Variants in ZNF462 observed in about 807,000 individuals in gnomAD.
ZNF462 encodes the protein zinc finger PBX1-interacting protein.
ZNF462 carries 10 observed loss-of-function variants against 201.9 expected under a neutral mutation model. The ratio of observed to expected loss-of-function variants is 0.05; its 90% confidence interval spans 0.03 to 0.08. The LOEUF (loss-of-function observed/expected upper bound fraction) is 0.08. Ranked by LOEUF, ZNF462 falls within the 10% of genes least tolerant of loss-of-function variation. The probability of loss-of-function intolerance (pLI) is 1.00; values close to 1 mark genes in which losing one functional copy is unlikely to be tolerated. For missense variants in ZNF462, 2,523 were observed against 3,168.3 expected (o/e 0.80, Z 4.89); for synonymous variants, 1,227 against 1,193.3 (o/e 1.03, Z -0.58).
rs1829694735 is a variant in ZNF462, at chr9:107,008,143, CATT to C, written c.7190-1399_7190-1397del. ...AGCAGAATCCTCCCCACCCCCCTCT[CATT>C]ATGCAGTTGGGGAGGAGTCAGGAAG... On this transcript the variant is annotated intron_variant, in intron 11 of 12. Transcript: ENST00000277225. This position sits in a 1 kb window ranked among gnomAD's most constrained non-coding sequence, Gnocchi z 4.8. 1.3e-5 allele frequency among the ~76,000 whole-genome samples: 2 copies of C among 152,106 alleles called. No individual in the cohort carries two copies. Among genetic ancestry groups the C allele is most frequent in the Non-Finnish European group, 2.9e-5 (2 of 68,018 alleles).
At position 106,935,713 on chromosome 9, in the gene ZNF462, A is replaced by G. The variant is rs192809006; in HGVS notation, c.6235+92A>G. 2 of 943,200 alleles carry G rather than the reference A, an allele frequency of 2.1e-6. No individual in the cohort carries two copies. Among genetic ancestry groups the G allele is most frequent in the Admixed American group, 2.0e-5 (1 of 49,586 alleles). The allele number at this position is 943,200 out of a possible 1,614,324, so 58.4% of individuals were successfully genotyped here. ...ATTGAGTGAAATACTGTCCTGCCTT[A>G]CACTTGAGAATGTTATTCTTGGGAT... On this transcript the variant is annotated intron_variant, in intron 6 of 12. Coordinates refer to ENST00000277225, the MANE Select transcript of ZNF462 (RefSeq NM_021224.6). The surrounding 1 kb of genome is among the most constrained non-coding windows in gnomAD (Gnocchi z 4.1).
chr9:106,908,682 CTT>C (rs1829375096), intron 1 of ZNF462, among the ~76,000 whole-genome samples: 1 of 151,238 alleles, frequency 6.6e-6, no homozygotes, highest in African/African-American at 2.4e-5. Context: ...TATGCATTCT[CTT>C]TTATATTTCT....
rs766252745 is a variant in ZNF462 at position 106,890,330 on chromosome 9, C to A, written c.-31+26975C>A. On this transcript the variant is annotated intron_variant, in intron 1 of 12. Transcript: ENST00000277225. This position sits in a 1 kb window ranked among gnomAD's most constrained non-coding sequence, Gnocchi z 4.2. Reference sequence around the variant, plus strand: ...GTCAACCCGGCAACACATGCAGTGCCCCTTCCGGGAACACTGGTGATCTTC... The same window carrying A: ...GTCAACCCGGCAACACATGCAGTGCACCTTCCGGGAACACTGGTGATCTTC... Among the ~76,000 whole-genome samples, 25 of 152,320 alleles carry A rather than the reference C, an allele frequency of 1.6e-4. No homozygotes were observed. Among genetic ancestry groups the A allele is most frequent in the South Asian group, 8.3e-4 (4 of 4,828 alleles).
rs1055081777 is a variant in ZNF462, at chr9:106,954,297, G to C, written c.6427+15190G>C. 6.6e-6 allele frequency among the ~76,000 whole-genome samples: 1 copy of C among 152,086 alleles called. No homozygotes were observed. Among genetic ancestry groups the C allele is most frequent in the Non-Finnish European group, 1.5e-5 (1 of 68,004 alleles). On this transcript the variant is annotated intron_variant, in intron 7 of 12. Transcript: ENST00000277225. The surrounding 1 kb of genome is among the most constrained non-coding windows in gnomAD (Gnocchi z 4.0). The stretch of plus-strand genomic sequence containing the variant: ...GCAAGGCACATCTTATATGGTGGCA[G>C]GAGAGAGAAAGAGAGTGAGGGGGGG...
In ZNF462 at chr9:106,923,747, T is replaced by A; in HGVS notation, c.220+144T>A. On this transcript the variant is annotated intron_variant, in intron 2 of 12. Transcript: ENST00000277225. The surrounding 1 kb of genome is among the most constrained non-coding windows in gnomAD (Gnocchi z 5.6). ...CCATTTTTGTGGTTTGGGCATCATG[T>A]ATCTCTCCTTGAGTACCTTAGGTTT... 1.3e-6 allele frequency: 1 copy of A among 757,968 alleles called. No homozygotes were observed. The highest frequency in any genetic ancestry group is 2.1e-6 in the Non-Finnish European group (1 of 472,074). The allele number at this position is 757,968 out of a possible 1,614,324, so 47.0% of individuals were successfully genotyped here.
In ZNF462 at chr9:106,963,510, G is replaced by C. The variant is rs1831932302; in HGVS notation, c.6428-8495G>C. On this transcript the variant is annotated intron_variant, in intron 7 of 12. Transcript: ENST00000277225. This position sits in a 1 kb window ranked among gnomAD's most constrained non-coding sequence, Gnocchi z 4.7. ...CATTACCTGCTTGGTTGTCATTTCA[G>C]ATTGACAGGAACAATGCCTTGTGTG... 6.6e-6 allele frequency among the ~76,000 whole-genome samples: 1 copy of C among 152,034 alleles called. No individual in the cohort carries two copies. Among genetic ancestry groups the C allele is most frequent in the African/African-American group, 2.4e-5 (1 of 41,414 alleles).
At chr9:106,991,956 A>G (rs746025269) in intron 10 of ZNF462, among the ~76,000 whole-genome samples, 2 of 151,858 alleles carry the variant, frequency 1.3e-5, no homozygotes, top group Non-Finnish European at 2.9e-5. Context: ...ATAGAAGATT[A>G]TATCATCTTG....
intron 1 of ZNF462, among the ~76,000 whole-genome samples, chr9:106,910,672 T>A (rs1464741582): frequency 6.6e-6 from 1 of 152,178 alleles, no homozygotes; most frequent in East Asian, 1.9e-4. Flanking sequence ...TTTATGGGTT[T>A]GGTGTGGCCA....
intron 1 of ZNF462, among the ~76,000 whole-genome samples, chr9:106,906,989 A>T (rs939396413): frequency 6.6e-6 from 1 of 152,134 alleles, no homozygotes; most frequent in Non-Finnish European, 1.5e-5. Flanking sequence ...CTAATGTTTC[A>T]TCATTAAGTA....
intron 7 of ZNF462, among the ~76,000 whole-genome samples, chr9:106,957,299 C>T (rs1314098129): frequency 2.6e-5 from 4 of 152,060 alleles, no homozygotes; most frequent in Middle Eastern, 3.4e-3. Flanking sequence ...AATGGCTGGT[C>T]GGTAGAGCAG....
rs1233700770 is a variant in ZNF462 at position 107,012,916 on chromosome 9, T to C, written c.*1886T>C. ...TAAGAATTTTTATTTGTAGGATGTT[T>C]GTTTTAATTTAATTTTTTTAAGGGA... On this transcript the variant is annotated 3_prime_UTR_variant, in exon 13 of 13. Coordinates refer to ENST00000277225, the MANE Select transcript of ZNF462 (RefSeq NM_021224.6). 1 of 152,102 alleles carries C rather than the reference T, an allele frequency of 6.6e-6. No homozygotes were observed. Among genetic ancestry groups the C allele is most frequent in the Non-Finnish European group, 1.5e-5 (1 of 68,002 alleles). 9.4% of individuals were successfully genotyped at this position (152,102 alleles called of 1,614,324 possible).
rs1588199157 is a variant in ZNF462, at chr9:107,003,237, G to A, written c.7057-57G>A. On this transcript the variant is annotated intron_variant, in intron 10 of 12. Coordinates refer to ENST00000277225, the MANE Select transcript of ZNF462 (RefSeq NM_021224.6). This position sits in a 1 kb window ranked among gnomAD's most constrained non-coding sequence, Gnocchi z 4.4. ...ATGTTAGAAAGATCTCTCCATCAGG[G>A]AGAACCCCATTTGGTCTGCGGTTTA... 6.2e-7 allele frequency: 1 copy of A among 1,600,088 alleles called. No individual in the cohort carries two copies. Among genetic ancestry groups the A allele is most frequent in the East Asian group, 2.2e-5 (1 of 44,586 alleles).
rs888933516 is a variant in ZNF462, at chr9:106,956,172, T to C, written c.6428-15833T>C. Among the ~76,000 whole-genome samples, 14 of 152,176 alleles carry C rather than the reference T, an allele frequency of 9.2e-5. No individual in the cohort carries two copies. In the South Asian group the frequency reaches 2.7e-3, roughly 29 times the overall value. On this transcript the variant is annotated intron_variant, in intron 7 of 12. Transcript: ENST00000277225. ...GGCAACTGAATCCTTATTACCTGTATTTCTTAAATAGTAACTCTTGAAATG... is the reference window on the plus strand; with the variant it reads ...GGCAACTGAATCCTTATTACCTGTACTTCTTAAATAGTAACTCTTGAAATG...
At chr9:106,860,327 T>G (rs1827033057), upstream of ZNF462, among the ~76,000 whole-genome samples, 1 of 152,116 alleles carries the variant, frequency 6.6e-6, no homozygotes, top group African/African-American at 2.4e-5. This position sits in a 1 kb window ranked among gnomAD's most constrained non-coding sequence, Gnocchi z 7.1. Context: ...GTTTACGAGG[T>G]CTGAGGCGTG....
At chr9:106,939,987 C>G (rs182920430) in intron 7 of ZNF462, among the ~76,000 whole-genome samples, 3 of 152,234 alleles carry the variant, frequency 2.0e-5, no homozygotes, top group African/African-American at 7.2e-5. Context: ...CTACCATCAG[C>G]TTGAGTACTT....
Position 106,935,769 on chromosome 9 carries a change from T to C in ZNF462, c.6235+148T>C. The C allele has an allele frequency of 1.7e-6, 1 of 572,472 alleles. No individual in the cohort carries two copies. 35.5% of individuals were successfully genotyped at this position (572,472 alleles called of 1,614,324 possible). A position where few individuals can be genotyped will look rare whatever the true frequency, so the allele number is the denominator to read the frequency against. ...TATATTCAGTTTTATTTTTACCTAG[T>C]AAAGAAAAAATAAAGAAAAAAGTAA... On this transcript the variant is annotated intron_variant, in intron 6 of 12. Coordinates refer to ENST00000277225, the MANE Select transcript of ZNF462 (RefSeq NM_021224.6). This position sits in a 1 kb window ranked among gnomAD's most constrained non-coding sequence, Gnocchi z 4.1.
Position 106,870,320 on chromosome 9 carries a change from T to G in ZNF462, c.-31+6965T>G, listed in dbSNP as rs2130821152. Among the ~76,000 whole-genome samples the G allele has an allele frequency of 6.6e-6, 1 of 152,250 alleles. No individual in the cohort carries two copies. Among genetic ancestry groups the G allele is most frequent in the Non-Finnish European group, 1.5e-5 (1 of 68,000 alleles). ...GGGAAGGTTTTTTTTGTGTGCCAGGTCATGGGTATTTTGGTATTGATTTCC... is the reference window on the plus strand; with the variant it reads ...GGGAAGGTTTTTTTTGTGTGCCAGGGCATGGGTATTTTGGTATTGATTTCC... On this transcript the variant is annotated intron_variant, in intron 1 of 12. Transcript: ENST00000277225. The surrounding 1 kb of genome is among the most constrained non-coding windows in gnomAD (Gnocchi z 4.3).
At chr9:106,915,198 T>C (rs886133611) in intron 1 of ZNF462, among the ~76,000 whole-genome samples, 1 of 151,310 alleles carries the variant, frequency 6.6e-6, no homozygotes, top group African/African-American at 2.4e-5. Context: ...GGCATTTCTG[T>C]ATGTTTTTTT....
chr9:106,912,585 T>G (rs144104704), intron 1 of ZNF462, among the ~76,000 whole-genome samples: 1,952 of 152,306 alleles, frequency 0.013, 38 homozygotes, highest in African/African-American at 0.044. Flanking sequence ...TCTTTACTTG[T>G]GAGTTCCTGT....
Sources: gnomAD v4.1 joint callset for allele counts (sites outside exome capture counted in the v4.1 genomes callset) on GRCh38, gnomAD v4.1.1 for gene constraint, Gnocchi (gnomAD v3.1) non-coding constraint, MANE v1.5 for transcripts, NCBI Gene and HGNC (gene_info 2026-07-23, HGNC 2026-07-21) for gene names.